GEMIN2: variants seen among roughly 807,000 people sequenced by gnomAD.
GEMIN2 encodes the protein gem nuclear organelle associated protein 2, also known as gem-associated protein 2.
In GEMIN2, 37 loss-of-function variants were observed where a neutral mutation model predicts 45.8. The ratio of observed to expected loss-of-function variants is 0.81; its 90% CI spans 0.62 to 1.06. The LOEUF (loss-of-function observed/expected upper bound fraction) is 1.06. Among genes scored for constraint, GEMIN2 ranks in the 50% least tolerant of loss-of-function variants. The pLI is 0.00. For synonymous variants in GEMIN2, 101 were observed against 111.5 expected (o/e 0.91, Z 0.60); for missense variants, 335 against 321.8 (o/e 1.04, Z -0.31).
At chr14:39,124,795 A>T (rs1270212729) in intron 5 of GEMIN2, among the ~76,000 whole-genome samples, 197 bp from the exon 6 acceptor site, 2 of 152,062 alleles carry the variant, frequency 1.3e-5, no homozygotes, top group Admixed American at 1.3e-4. Flanking sequence ...CATATTCAAA[A>T]TTTAAGGCGT....
At chr14:39,127,700 A>T (rs2052661907) in intron 6 of GEMIN2, among the ~76,000 whole-genome samples, 1 of 152,312 alleles carries the variant, frequency 6.6e-6, no homozygotes, top group East Asian at 1.9e-4. Flanking sequence ...TAAATTATTA[A>T]TAGTTACAAA....
At chr14:39,119,044 G>A (rs1459041178) in intron 4 of GEMIN2, among the ~76,000 whole-genome samples, 1 of 151,932 alleles carries the variant, frequency 6.6e-6, no homozygotes, top group Non-Finnish European at 1.5e-5. Flanking sequence ...CCCGAGTGCT[G>A]GATTACAGGC....
chr14:39,128,761 C>T (rs184634673), intron 7 of GEMIN2, among the ~76,000 whole-genome samples: 4 of 152,108 alleles, frequency 2.6e-5, no homozygotes, highest in Admixed American at 6.6e-5. Context: ...CTCACCCTCC[C>T]AAAATGCTGG....
Position 39,122,451 on chromosome 14 carries a change from G to A in GEMIN2, c.394G>A (p.Gly132Ser), listed in dbSNP as rs1349796026. The A allele has an allele frequency of 4.4e-6, 7 of 1,590,058 alleles. No individual in the cohort carries two copies. Among genetic ancestry groups the A allele is most frequent in the Non-Finnish European group, 6.0e-6 (7 of 1,163,722 alleles). ...VTMPKSEDEE[G>S]WKKFCLGEKL... ...TTAGCCAAAATCTGAAGATGAAGAA[G>A]GCTGGAAGAAATTTTGTCTGGGTGA... The change falls in exon 5 of 10, where the codon GGC becomes AGC. Residue 132 changes from glycine (G) to serine (S), a missense_variant. Physicochemically the swap from Gly to Ser is moderately conservative, Grantham distance 56. Coordinates refer to ENST00000308317, the MANE Select transcript of GEMIN2 (RefSeq NM_003616.3).
chr14:39,132,084 C>A lies in GEMIN2; in HGVS notation c.711+16C>A, dbSNP rs756262492. The A allele has an allele frequency of 1.6e-5, 20 of 1,221,864 alleles. No homozygotes were observed. In the Admixed American group the frequency reaches 2.8e-4, roughly 17 times the overall value. The allele number at this position is 1,221,864 out of a possible 1,614,324, so 75.7% of individuals were successfully genotyped here. ...GCTCTTAGTGGTAAGTTGCAACTTA[C>A]TGTTTAAAATTAAAAGCACCCACCA... On this transcript the variant is annotated intron_variant, in intron 8 of 9. Coordinates refer to ENST00000308317, the MANE Select transcript of GEMIN2 (RefSeq NM_003616.3).
At chr14:39,120,852 C>T (rs755943281) in intron 4 of GEMIN2, among the ~76,000 whole-genome samples, 13 of 152,252 alleles carry the variant, frequency 8.5e-5, no homozygotes, top group African/African-American at 1.2e-4. Context: ...GTCTCGAACT[C>T]CTGACCTCAG....
chr14:39,123,685 G>GTTATATATATATAT (rs1566532769), intron 5 of GEMIN2, among the ~76,000 whole-genome samples: 1 of 59,596 alleles, frequency 1.7e-5, no homozygotes, highest in African/African-American at 6.0e-5. Flanking sequence ...TTCAAAAATA[G>GTTATATATATATAT]CTATATATAT....
At position 39,134,618 on chromosome 14, in the gene GEMIN2, T is replaced by A. The variant is rs565610517; in HGVS notation, c.770+899T>A. Among the ~76,000 whole-genome samples, 13 of 152,358 alleles carry A rather than the reference T, an allele frequency of 8.5e-5. No individual in the cohort carries two copies. In the South Asian group the frequency reaches 2.7e-3, roughly 32 times the overall value. On this transcript the variant is annotated intron_variant, in intron 9 of 9. Coordinates refer to ENST00000308317, the MANE Select transcript of GEMIN2 (RefSeq NM_003616.3). ...CTAGTTTCTTGATCTACAATAATTA[T>A]GCTGCTGATGATAATTAACATTTAC...
Position 39,118,008 on chromosome 14 carries a change from T to C in GEMIN2, c.232T>C (p.Cys78Arg). Residue 78 changes from cysteine (C) to arginine (R), a missense_variant, in exon 3 of 10, where the codon TGC (cysteine) becomes CGC (arginine). Cys to Arg is a radical substitution (Grantham distance 180). Transcript: ENST00000308317. Reference sequence around the variant, plus strand: ...TGAACTTGATCTCTAGCTTTCAGGATGCCAACCCGCCCCTGAAGGTTATTC... The same window carrying C: ...TGAACTTGATCTCTAGCTTTCAGGACGCCAACCCGCCCCTGAAGGTTATTC... Reference protein sequence around the residue: ...KQSVNISLSGCQPAPEGYSPT... With the variant: ...KQSVNISLSGRQPAPEGYSPT... 1 of 1,595,066 alleles carries C rather than the reference T, an allele frequency of 6.3e-7. No individual in the cohort carries two copies. Among genetic ancestry groups the C allele is most frequent in the Non-Finnish European group, 8.6e-7 (1 of 1,165,444 alleles).
At chr14:39,119,693 C>A (rs1159531162) in intron 4 of GEMIN2, among the ~76,000 whole-genome samples, 1 of 152,198 alleles carries the variant, frequency 6.6e-6, no homozygotes, top group East Asian at 1.9e-4. Context: ...CTTGCATATT[C>A]TTCCTGAAAC....
chr14:39,119,246 G>A (rs1286847046), intron 4 of GEMIN2, among the ~76,000 whole-genome samples: 1 of 152,190 alleles, frequency 6.6e-6, no homozygotes, highest in East Asian at 1.9e-4. Context: ...CTGATGAGGT[G>A]ATGGTGCCAT....
chr14:39,132,664 C>CTCTTTTTTTTTTTTTTTT (rs1555334512), intron 8 of GEMIN2, among the ~76,000 whole-genome samples: 2 of 62,732 alleles, frequency 3.2e-5, no homozygotes, highest in African/African-American at 6.2e-5. Context: ...TAGCTTCAGC[C>CTCTTTTTTTTTTTTTTTT]TTTTTTTTTT....
chr14:39,122,792 C>A (rs2052589647), intron 5 of GEMIN2: 1 of 317,240 alleles, frequency 3.2e-6, no homozygotes, highest in Non-Finnish European at 5.7e-6. Context: ...GTTTGCCAAC[C>A]CAGACTTAGT....
intron 7 of GEMIN2, among the ~76,000 whole-genome samples, chr14:39,131,360 G>A (rs1359492047): frequency 6.6e-6 from 1 of 152,164 alleles, no homozygotes; most frequent in Non-Finnish European, 1.5e-5. Flanking sequence ...GTGAATCAAA[G>A]TTTGATCTGG....
At chr14:39,117,022 C>G (rs924303361) in intron 2 of GEMIN2, among the ~76,000 whole-genome samples, 3 of 152,188 alleles carry the variant, frequency 2.0e-5, no homozygotes, top group Non-Finnish European at 4.4e-5. Context: ...CCTGTAATCC[C>G]AGCACTTTGG....
intron 4 of GEMIN2, among the ~76,000 whole-genome samples, chr14:39,119,514 A>T (rs1290324878): frequency 6.6e-6 from 1 of 152,244 alleles, no homozygotes; most frequent in Non-Finnish European, 1.5e-5. Context: ...GGGACTTCAT[A>T]TTCTTTCGTA....
At chr14:39,116,838 G>A (rs891315445) in intron 2 of GEMIN2, among the ~76,000 whole-genome samples, 1 of 152,112 alleles carries the variant, frequency 6.6e-6, no homozygotes, top group Non-Finnish European at 1.5e-5. Flanking sequence ...GCAGCCTCGA[G>A]TTCTTGGGCT....
rs781365210 is a variant in GEMIN2, at chr14:39,114,441, C to G, written c.103C>G (p.Pro35Ala). ...GGAAGGTTTCGATCCCTCGGTACCC[C>G]CGAGGACGCCTCAGGAATACCTGAG... Reference protein sequence around the residue: ...LTEGFDPSVPPRTPQEYLRRV... With the variant: ...LTEGFDPSVPARTPQEYLRRV... Residue 35 changes from proline to alanine, a missense_variant, in exon 1 of 10, where the codon CCG (proline) becomes GCG (alanine). Physicochemically the swap from Pro to Ala is conservative, Grantham distance 27. Transcript: ENST00000308317. 5.6e-6 allele frequency: 9 copies of G among 1,613,922 alleles called. No individual in the cohort carries two copies. The highest frequency in any genetic ancestry group is 6.8e-6 in the Non-Finnish European group (8 of 1,179,848).
chr14:39,129,714 G>C (rs1264459118), intron 7 of GEMIN2, among the ~76,000 whole-genome samples: 1 of 151,642 alleles, frequency 6.6e-6, no homozygotes, highest in Non-Finnish European at 1.5e-5. Flanking sequence ...CACCCAGCCA[G>C]TATTTATATT....
Sources: gnomAD v4.1 joint callset for allele counts (sites outside exome capture counted in the v4.1 genomes callset) on GRCh38, gnomAD v4.1.1 for gene constraint, MANE v1.5 for transcripts, NCBI Gene and HGNC (gene_info 2026-07-23, HGNC 2026-07-21) for gene names.